SLC8A3: variants seen among roughly 807,000 people sequenced by gnomAD.
SLC8A3 encodes the protein sodium/calcium exchanger 3.
In SLC8A3, 37 loss-of-function variants were observed where a neutral mutation model predicts 65.4. The observed-to-expected ratio is 0.57, with a 90% CI of 0.44 to 0.74. SLC8A3 has a LOEUF of 0.74. Ranked by LOEUF, SLC8A3 falls within the 30% of genes least tolerant of loss-of-function variation. The pLI is 0.00. For missense variants in SLC8A3, 1,112 were observed against 1,172.1 expected (o/e 0.95, Z 0.75); for synonymous variants, 461 against 444.5 (o/e 1.04, Z -0.47).
At chr14:70,161,208 T>C (rs527424508) in intron 2 of SLC8A3, among the ~76,000 whole-genome samples, 62 of 130,236 alleles carry the variant, frequency 4.8e-4, no homozygotes, top group African/African-American at 1.6e-3. Flanking sequence ...GAGAATGGCG[T>C]GAACCCGGGA....
chr14:70,169,701 G>A (rs1174730677), intron 1 of SLC8A3, among the ~76,000 whole-genome samples: 11 of 142,812 alleles, frequency 7.7e-5, no homozygotes, highest in Non-Finnish European at 1.4e-4. Flanking sequence ...TGGGGGGGGG[G>A]GCGATCTTTC....
intron 2 of SLC8A3, among the ~76,000 whole-genome samples, chr14:70,077,374 C>A (rs1890630685): frequency 6.6e-6 from 1 of 152,192 alleles, no homozygotes; most frequent in African/African-American, 2.4e-5. Flanking sequence ...CCAGTGGAAG[C>A]TGAATGCCTT....
At chr14:70,051,174 C>T (rs1594888468) in intron 4 of SLC8A3, 67 bp from the exon 5 acceptor site, 1 of 1,089,242 alleles carries the variant, frequency 9.2e-7, no homozygotes, top group East Asian at 2.4e-5. Context: ...GAGTCTGGTT[C>T]TTCAAAGGAA....
intron 2 of SLC8A3, among the ~76,000 whole-genome samples, chr14:70,118,615 T>C (rs930342412): frequency 6.6e-6 from 1 of 152,252 alleles, no homozygotes; most frequent in Non-Finnish European, 1.5e-5. Context: ...GATCTCCACA[T>C]AAAATGAGAA....
chr14:70,120,614 G>A (rs1484723202), intron 2 of SLC8A3, among the ~76,000 whole-genome samples: 4 of 152,166 alleles, frequency 2.6e-5, no homozygotes, highest in African/African-American at 9.7e-5. Flanking sequence ...GCTGCAGGAA[G>A]TGTAGCAGCC....
At chr14:70,097,088 C>G (rs1892227807) in intron 2 of SLC8A3, among the ~76,000 whole-genome samples, 2 of 152,098 alleles carry the variant, frequency 1.3e-5, no homozygotes, top group African/African-American at 2.4e-5. Flanking sequence ...TGCTGCCTGA[C>G]AGTGTGAAGG....
Position 70,167,345 on chromosome 14 carries a change from G to C in SLC8A3, c.1078C>G (p.Arg360Gly). 6.2e-7 allele frequency: 1 copy of C among 1,614,178 alleles called. No individual in the cohort carries two copies. The highest frequency in any genetic ancestry group is 8.5e-7 in the Non-Finnish European group (1 of 1,180,026). Residue 360 changes from arginine to glycine, a missense_variant, in exon 2 of 7, where the codon CGT becomes GGT. Transcript: ENST00000356921. Reference sequence around the variant, plus strand: ...ATATTGCCTGCACCAGTCATCATACGAGTGGCTTGGATACGGTAGAAGGCA... The same window carrying C: ...ATATTGCCTGCACCAGTCATCATACCAGTGGCTTGGATACGGTAGAAGGCA... ...SRAFYRIQAT[R>G]MMTGAGNILK...
intron 2 of SLC8A3, among the ~76,000 whole-genome samples, chr14:70,134,853 T>A (rs1895082373): frequency 6.6e-6 from 1 of 152,222 alleles, no homozygotes; most frequent in South Asian, 2.1e-4. Flanking sequence ...CTGGAATTCA[T>A]ATGTTGAAGT....
At chr14:70,153,591 A>G (rs1006252577) in intron 2 of SLC8A3, among the ~76,000 whole-genome samples, 1 of 152,046 alleles carries the variant, frequency 6.6e-6, no homozygotes, top group Admixed American at 6.5e-5. Context: ...TGTCTTCCCT[A>G]TCAACTGTGA....
intron 2 of SLC8A3, among the ~76,000 whole-genome samples, chr14:70,111,353 C>G (rs953720558): frequency 6.6e-6 from 1 of 152,200 alleles, no homozygotes; most frequent in African/African-American, 2.4e-5. Flanking sequence ...CCTATCCCAA[C>G]TATAATAAGA....
chr14:70,050,503 G>A (rs1408915385), intron 5 of SLC8A3, among the ~76,000 whole-genome samples: 1 of 152,162 alleles, frequency 6.6e-6, no homozygotes, highest in Non-Finnish European at 1.5e-5. Flanking sequence ...CACTACTGAG[G>A]GAGCCTGTCA....
Position 70,166,935 on chromosome 14 carries a change from C to G in SLC8A3, c.1488G>C (p.Glu496Asp). ...NVRIEEEQPE[E>D]GMPPAIFNSL... ...TGTTGAATATTGCTGGAGGCATCCC[C>G]TCCTCTGGCTGCTCCTCCTCTATGC... The change falls in exon 2 of 7, where the codon GAG (glutamate) becomes GAC (aspartate). Residue 496 changes from glutamate (E) to aspartate (D), a missense_variant. Transcript: ENST00000356921. 6.2e-7 allele frequency: 1 copy of G among 1,614,174 alleles called. No individual in the cohort carries two copies. Among genetic ancestry groups the G allele is most frequent in the Non-Finnish European group, 8.5e-7 (1 of 1,180,020 alleles).
intron 2 of SLC8A3, among the ~76,000 whole-genome samples, chr14:70,148,713 C>T (rs975315012): frequency 6.6e-6 from 1 of 152,138 alleles, no homozygotes; most frequent in African/African-American, 2.4e-5. Context: ...TTTTGATGTA[C>T]ACAAACAGCA....
chr14:70,091,813 T>C (rs949198742), intron 2 of SLC8A3, among the ~76,000 whole-genome samples: 1 of 152,234 alleles, frequency 6.6e-6, no homozygotes, highest in African/African-American at 2.4e-5. Flanking sequence ...AATTACAAAC[T>C]GGATTATTTT....
intron 1 of SLC8A3, among the ~76,000 whole-genome samples, chr14:70,169,486 A>G (rs1346389342): frequency 6.6e-6 from 1 of 152,194 alleles, no homozygotes. Context: ...TGTCTCTCAA[A>G]TAAGTTTTGT....
chr14:70,067,229 G>C (rs57170277), intron 2 of SLC8A3, among the ~76,000 whole-genome samples: 45,745 of 152,002 alleles, frequency 0.3, 7,093 homozygotes, highest in East Asian at 0.44. Flanking sequence ...TTGCGTCTCT[G>C]AGTAAACTTA....
At chr14:70,069,011 C>G (rs1214404821) in intron 2 of SLC8A3, among the ~76,000 whole-genome samples, 2 of 152,184 alleles carry the variant, frequency 1.3e-5, no homozygotes, top group African/African-American at 4.8e-5. Context: ...AGCCACTGGG[C>G]CTGGTCAATT....
chr14:70,138,122 TG>T lies in SLC8A3; in HGVS notation c.1784+28516del, dbSNP rs59700038. ...CTGCTCACACTGACAGTGTAACCCTTGGTCTTGAGTGGGTGGGTGGCTGGCA... is the reference window on the plus strand; with the variant it reads ...CTGCTCACACTGACAGTGTAACCCTTGTCTTGAGTGGGTGGGTGGCTGGCA... On this transcript the variant is annotated intron_variant, in intron 2 of 6. Transcript: ENST00000356921. 9.9e-3 allele frequency among the ~76,000 whole-genome samples: 1,509 copies of T among 152,174 alleles called. 20 individuals are homozygous for T. The highest frequency in any genetic ancestry group is 0.034 in the African/African-American group (1,409 of 41,498).
At chr14:70,104,964 C>G (rs1892760049) in intron 2 of SLC8A3, among the ~76,000 whole-genome samples, 2 of 152,090 alleles carry the variant, frequency 1.3e-5, no homozygotes, top group South Asian at 2.1e-4. Context: ...GAATTGGAAT[C>G]AGTATAATGT....
Sources: allele counts gnomAD v4.1 joint callset (sites outside exome capture counted in the v4.1 genomes callset), GRCh38; gene constraint gnomAD v4.1.1; transcripts MANE v1.5; gene names NCBI Gene and HGNC (gene_info 2026-07-23, HGNC 2026-07-21).